The following LRRC7 variants were observed in gnomAD, a reference collection of about 807,000 sequenced individuals.
LRRC7 encodes the protein leucine rich repeat containing 7, also known as leucine-rich repeat-containing protein 7.
Under a neutral mutation model 175.7 loss-of-function variants are expected in LRRC7, and 23 were observed. That is an observed-to-expected ratio of 0.13 (90% CI 0.09 to 0.19). LRRC7 has a LOEUF of 0.19. LRRC7 is among the 10% of genes least tolerant of loss of function. The probability of loss-of-function intolerance (pLI) is 1.00; values close to 1 mark genes in which losing one functional copy is unlikely to be tolerated. For missense variants in LRRC7, 1,354 were observed against 1,904.7 expected (o/e 0.71, Z 5.38); for synonymous variants, 685 against 680.9 (o/e 1.01, Z -0.09).
chr1:69,898,661 CACTGCTGCTGCT>C (rs1646046749), intron 7 of LRRC7, among the ~76,000 whole-genome samples: 1 of 124,928 alleles, frequency 8.0e-6, no homozygotes, highest in African/African-American at 2.8e-5. Flanking sequence ...TTGCTATCAT[CACTGCTGCTGCT>C]GCTGCTGCTG....
At chr1:70,036,045 A>G in intron 18 of LRRC7, 76 bp from the exon 19 acceptor site, 3 of 1,139,832 alleles carry the variant, frequency 2.6e-6, no homozygotes, top group Non-Finnish European at 1.2e-6. Context: ...ATCTGAGCCA[A>G]ATAAAGATAC....
intron 8 of LRRC7, among the ~76,000 whole-genome samples, chr1:69,979,973 A>G (rs767637872): frequency 2.6e-5 from 4 of 152,060 alleles, no homozygotes; most frequent in Admixed American, 6.5e-5. Flanking sequence ...AGAAGCTACT[A>G]TGTGCCCATG....
chr1:70,056,785 G>A (rs1331226065), intron 23 of LRRC7, among the ~76,000 whole-genome samples: 1 of 152,112 alleles, frequency 6.6e-6, no homozygotes, highest in African/African-American at 2.4e-5. Flanking sequence ...GAGTAGACAG[G>A]GCTCTCAATT....
intron 8 of LRRC7, among the ~76,000 whole-genome samples, chr1:69,968,905 G>A (rs1340381828): frequency 5.3e-5 from 8 of 151,472 alleles, no homozygotes; most frequent in Middle Eastern, 3.4e-3. Flanking sequence ...TGCAAGCCCC[G>A]CCTCCCAGGT....
intron 24 of LRRC7, among the ~76,000 whole-genome samples, chr1:70,088,434 C>T (rs1478148547): frequency 6.6e-6 from 1 of 152,052 alleles, no homozygotes; most frequent in African/African-American, 2.4e-5. Context: ...TGGTGGCATA[C>T]ACCTGTAAGT....
intron 7 of LRRC7, among the ~76,000 whole-genome samples, chr1:69,916,165 A>ATATATATAATATATATTACATACATATTT (rs1646700659): frequency 3.8e-5 from 2 of 52,622 alleles, no homozygotes; most frequent in Non-Finnish European, 8.8e-5. Context: ...TACATATTTT[A>ATATATATAATATATATTACATACATATTT]TATATATAAT....
chr1:69,793,294 A>G (rs981926749), intron 4 of LRRC7, among the ~76,000 whole-genome samples: 4 of 152,134 alleles, frequency 2.6e-5, no homozygotes, highest in Non-Finnish European at 5.9e-5. Flanking sequence ...TTTTCCTAAG[A>G]AGTGATAACC....
intron 1 of LRRC7, among the ~76,000 whole-genome samples, chr1:69,652,845 A>G (rs1656057779): frequency 6.6e-6 from 1 of 152,178 alleles, no homozygotes; most frequent in Non-Finnish European, 1.5e-5. Flanking sequence ...TATATGTTCA[A>G]ATGATCTTTG....
At position 69,572,962 on chromosome 1, in the gene LRRC7, CA is replaced by C. The variant is rs1645798021; in HGVS notation, c.2+4324del. ...ATTAAAAGCATGCCATTTAAATAAT[CA>C]AATATGTCTATTTCCTATCTCAAAA... On this transcript the variant is annotated intron_variant, in intron 1 of 26. Transcript: ENST00000651989. Among the ~76,000 whole-genome samples the C allele has an allele frequency of 3.9e-5, 6 of 151,946 alleles. No individual in the cohort carries two copies. The South Asian group carries it at 1.2e-3, about 31-fold the overall frequency.
chr1:69,856,939 G>T (rs182773148), intron 7 of LRRC7, among the ~76,000 whole-genome samples: 9 of 152,136 alleles, frequency 5.9e-5, no homozygotes, highest in African/African-American at 9.6e-5. Context: ...TTCATCCCTG[G>T]GACGCAAGGC....
chr1:69,818,464 A>G lies in LRRC7; in HGVS notation c.422-7284A>G, dbSNP rs1442144198. ...TCTTTGCCTCCCCAGGGTAAATCCC[A>G]TTTGACTATGGTATATGATCCTTTT... On this transcript the variant is annotated intron_variant, in intron 4 of 26. Coordinates refer to ENST00000651989, the MANE Select transcript of LRRC7 (RefSeq NM_001370785.2). Among the ~76,000 whole-genome samples, 3 of 152,034 alleles carry G rather than the reference A, an allele frequency of 2.0e-5. No individual in the cohort carries two copies. In the East Asian group the frequency reaches 5.8e-4, roughly 29 times the overall value.
intron 7 of LRRC7, among the ~76,000 whole-genome samples, chr1:69,892,182 C>T (rs12747331): frequency 0.41 from 61,574 of 152,002 alleles, 13,412 homozygotes; most frequent in East Asian, 0.55. Flanking sequence ...ATTGGAAAGA[C>T]GGCAGCAGCA....
At chr1:69,727,150 G>A (rs1278818374) in intron 2 of LRRC7, among the ~76,000 whole-genome samples, 1 of 152,198 alleles carries the variant, frequency 6.6e-6, no homozygotes. Context: ...TTGGAGGGAT[G>A]TATCCTGGAT....
intron 2 of LRRC7, among the ~76,000 whole-genome samples, chr1:69,727,255 T>C (rs1488998655): frequency 6.6e-6 from 1 of 152,150 alleles, no homozygotes; most frequent in Non-Finnish European, 1.5e-5. Flanking sequence ...GAATGAATGA[T>C]TCCATCCTGC....
At chr1:70,001,397 G>A (rs1570971044) in intron 11 of LRRC7, among the ~76,000 whole-genome samples, 1 of 152,256 alleles carries the variant, frequency 6.6e-6, no homozygotes, top group Admixed American at 6.5e-5. Flanking sequence ...AATTATGCAA[G>A]TGAATATGGA....
In LRRC7 at chr1:70,065,204, A is replaced by G. The variant is rs1384960841; in HGVS notation, c.4231-10873A>G. 2.6e-5 allele frequency among the ~76,000 whole-genome samples: 4 copies of G among 152,022 alleles called. No individual in the cohort carries two copies. In the East Asian group the frequency reaches 7.7e-4, roughly 29 times the overall value. ...ACTAAACTATGTAGTAAACTGTAATACGAAAAAAACTCAGCTTTTCTTTTA... is the reference window on the plus strand; with the variant it reads ...ACTAAACTATGTAGTAAACTGTAATGCGAAAAAAACTCAGCTTTTCTTTTA... On this transcript the variant is annotated intron_variant, in intron 23 of 26. Transcript: ENST00000651989.
At chr1:69,934,509 G>A (rs972114644) in intron 8 of LRRC7, among the ~76,000 whole-genome samples, 1 of 90,330 alleles carries the variant, frequency 1.1e-5, no homozygotes, top group Non-Finnish European at 2.2e-5. Flanking sequence ...GGGGGGCGGG[G>A]GGTGGGGGGT....
chr1:69,811,582 A>G (rs1677873035), intron 4 of LRRC7, among the ~76,000 whole-genome samples: 1 of 152,294 alleles, frequency 6.6e-6, no homozygotes, highest in Non-Finnish European at 1.5e-5. Flanking sequence ...ATGGAATACT[A>G]TGCATCCATA....
chr1:70,118,049 G>A (rs1454907795), intron 26 of LRRC7, among the ~76,000 whole-genome samples: 2 of 143,270 alleles, frequency 1.4e-5, no homozygotes, highest in East Asian at 4.1e-4. Context: ...TATTTCCTCA[G>A]CCTCTTCTTC....
Sources: gnomAD v4.1 joint callset for allele counts (sites outside exome capture counted in the v4.1 genomes callset) on GRCh38, gnomAD v4.1.1 for gene constraint, MANE v1.5 for transcripts, NCBI Gene and HGNC (gene_info 2026-07-23, HGNC 2026-07-21) for gene names.